The following VRK2 variants were observed in gnomAD, a reference collection of about 807,000 sequenced individuals.
The protein encoded by VRK2 is serine/threonine-protein kinase VRK2.
A neutral mutation model predicts 57.6 loss-of-function variants in VRK2; 60 were observed. The ratio of observed to expected loss-of-function variants is 1.04; its 90% CI spans 0.85 to 1.29. The LOEUF is 1.29. VRK2 is among the 50% of genes most tolerant of loss of function. The pLI, the probability that VRK2 is intolerant of heterozygous loss-of-function variation, is 0.00. For missense variants in VRK2, 705 were observed against 588.1 expected, an observed-to-expected ratio of 1.20 and a Z score of -2.06; for synonymous variants, 231 against 199.2, an observed-to-expected ratio of 1.16 and a Z score of -1.35.
intron 1 of VRK2, among the ~76,000 whole-genome samples, chr2:57,965,753 A>G (rs1212917471): frequency 2.6e-5 from 4 of 152,180 alleles, no homozygotes; most frequent in Non-Finnish European, 5.9e-5. Flanking sequence ...CCATTTCATG[A>G]GATTCCGAGG....
intron 12 of VRK2, among the ~76,000 whole-genome samples, chr2:58,156,160 A>G (rs549781940): frequency 6.6e-6 from 1 of 152,236 alleles, no homozygotes; most frequent in African/African-American, 2.4e-5. Flanking sequence ...TTGATTTTGA[A>G]AGCTTCATTG....
intron 3 of VRK2, among the ~76,000 whole-genome samples, chr2:58,084,663 G>A (rs984444902): frequency 6.6e-6 from 1 of 151,772 alleles, no homozygotes; most frequent in East Asian, 1.9e-4. Flanking sequence ...GACTGTATAG[G>A]GATAGTGGTA....
intron 7 of VRK2, among the ~76,000 whole-genome samples, chr2:58,106,336 G>C (rs983715599): frequency 6.6e-6 from 1 of 152,016 alleles, no homozygotes; most frequent in Non-Finnish European, 1.5e-5. Context: ...AGCCTGTTAA[G>C]TCACAGTCCT....
intron 7 of VRK2, among the ~76,000 whole-genome samples, chr2:58,114,664 C>G (rs1040956488): frequency 1.3e-5 from 2 of 150,972 alleles, no homozygotes; most frequent in African/African-American, 5.0e-5. Context: ...TTCTTGAAGA[C>G]GGAGGACCAT....
intron 1 of VRK2, among the ~76,000 whole-genome samples, chr2:57,908,375 T>A (rs1474492841): frequency 1.3e-5 from 2 of 152,236 alleles, no homozygotes; most frequent in Non-Finnish European, 2.9e-5. Context: ...TGACTACTTA[T>A]GCTCTGGACT....
At chr2:58,055,193 A>T (rs1000629030) in intron 2 of VRK2, among the ~76,000 whole-genome samples, 1 of 152,134 alleles carries the variant, frequency 6.6e-6, no homozygotes, top group Non-Finnish European at 1.5e-5. Flanking sequence ...TTTGATTGGC[A>T]CCTATGCCCT....
chr2:58,003,642 C>A (rs1673155204), intron 1 of VRK2, among the ~76,000 whole-genome samples: 1 of 151,972 alleles, frequency 6.6e-6, no homozygotes, highest in Admixed American at 6.6e-5. Context: ...ACTGGATGTC[C>A]TCTACCTTTT....
chr2:58,007,338 G>A (rs752607240), intron 1 of VRK2, among the ~76,000 whole-genome samples: 2 of 150,854 alleles, frequency 1.3e-5, no homozygotes, highest in South Asian at 2.1e-4. Context: ...CTAACAGAAC[G>A]AATACAGTTG....
chr2:58,107,939 C>T (rs190790664), intron 7 of VRK2, among the ~76,000 whole-genome samples: 23 of 152,214 alleles, frequency 1.5e-4, no homozygotes, highest in African/African-American at 4.3e-4. Flanking sequence ...TCAGGATTCT[C>T]GGTTGCGTGA....
At chr2:57,931,867 G>A (rs1670738666) in intron 1 of VRK2, among the ~76,000 whole-genome samples, 1 of 151,060 alleles carries the variant, frequency 6.6e-6, no homozygotes, top group Non-Finnish European at 1.5e-5. Context: ...ATCATTTATG[G>A]AAGAGACTAC....
At chr2:57,937,619 G>C (rs1048337562) in intron 1 of VRK2, among the ~76,000 whole-genome samples, 2 of 152,124 alleles carry the variant, frequency 1.3e-5, no homozygotes, top group African/African-American at 4.8e-5. Context: ...AACAGACCCA[G>C]CGGTTTTGAA....
chr2:58,096,482 T>C (rs1011103232), intron 7 of VRK2, among the ~76,000 whole-genome samples: 11 of 152,042 alleles, frequency 7.2e-5, no homozygotes, highest in African/African-American at 2.7e-4. Context: ...TTGTTATTCA[T>C]GTTATCTGTT....
At chr2:58,043,241 T>G (rs1674533933), upstream of VRK2, among the ~76,000 whole-genome samples, 1 of 152,142 alleles carries the variant, frequency 6.6e-6, no homozygotes, top group Non-Finnish European at 1.5e-5. Context: ...TGGTTCAGGA[T>G]TAGTTGAATT....
chr2:58,101,626 T>A (rs547834323), intron 7 of VRK2, among the ~76,000 whole-genome samples: 2 of 151,704 alleles, frequency 1.3e-5, no homozygotes, highest in Admixed American at 6.6e-5. Flanking sequence ...CCACACTTTC[T>A]CTTTCTATAA....
At chr2:57,994,836 A>T (rs930422834) in intron 1 of VRK2, among the ~76,000 whole-genome samples, 5 of 152,190 alleles carry the variant, frequency 3.3e-5, no homozygotes, top group Admixed American at 3.3e-4. Context: ...TTTATCAAAA[A>T]TTCCTATATT....
intron 1 of VRK2, among the ~76,000 whole-genome samples, chr2:57,927,504 T>C (rs925297529): frequency 2.6e-5 from 4 of 152,186 alleles, no homozygotes; most frequent in African/African-American, 9.7e-5. Flanking sequence ...CTTGAACTCC[T>C]GACCTCATGA....
At chr2:58,072,414 A>AT (rs988222864) in intron 2 of VRK2, among the ~76,000 whole-genome samples, 19 of 151,616 alleles carry the variant, frequency 1.3e-4, no homozygotes, top group African/African-American at 2.4e-4. Flanking sequence ...TTATTTGTAG[A>AT]TTTTTTTTAT....
upstream of VRK2, chr2:58,046,493 T>C (rs1428708443): frequency 3.0e-6 from 3 of 985,362 alleles, no homozygotes; most frequent in Non-Finnish European, 2.4e-6. Flanking sequence ...CTAACACTCC[T>C]ACACAAATGC....
Position 58,083,979 on chromosome 2 carries a change from CAT to C in VRK2, c.137-108_137-107del. The C allele has an allele frequency of 2.6e-6, 3 of 1,147,156 alleles. No individual in the cohort carries two copies. In the East Asian group the frequency reaches 7.7e-5, roughly 29 times the overall value. 71.1% of individuals were successfully genotyped at this position (1,147,156 alleles called of 1,614,324 possible). ...CTACCATAAAAGGTTGTTGGGATGA[CAT>C]AATAAACTTACATATGTAAAATGCT... On this transcript the variant is annotated intron_variant, in intron 2 of 12. Coordinates refer to ENST00000340157, the MANE Select transcript of VRK2 (RefSeq NM_006296.7).
Sources: gnomAD v4.1 joint callset for allele counts (sites outside exome capture counted in the v4.1 genomes callset) on GRCh38, gnomAD v4.1.1 for gene constraint, MANE v1.5 for transcripts, NCBI Gene and HGNC (gene_info 2026-07-23, HGNC 2026-07-21) for gene names.